The following HNF4G variants were observed in gnomAD, a reference collection of about 807,000 sequenced individuals.
HNF4G encodes hepatocyte nuclear factor 4 gamma, also known as hepatocyte nuclear factor 4-gamma.
A neutral mutation model predicts 50.9 loss-of-function variants in HNF4G; 21 were observed. The observed-to-expected ratio is 0.41, with a 90% CI of 0.29 to 0.59. HNF4G has a LOEUF of 0.59. Ranked by LOEUF, HNF4G falls within the 20% of genes least tolerant of loss-of-function variation. The pLI is 0.26. For missense variants in HNF4G, 527 were observed against 559.4 expected, an observed-to-expected ratio of 0.94 and a Z score of 0.58; for synonymous variants, 198 against 185.6, an observed-to-expected ratio of 1.07 and a Z score of -0.54.
chr8:75,412,164 T>C (rs1810517323), intron 1 of HNF4G, among the ~76,000 whole-genome samples: 1 of 152,208 alleles, frequency 6.6e-6, no homozygotes, highest in Non-Finnish European at 1.5e-5. Flanking sequence ...GGAGATGTAT[T>C]GATGAATAAG....
At chr8:75,491,902 G>A (rs1016543146) in intron 2 of HNF4G, among the ~76,000 whole-genome samples, 1 of 152,146 alleles carries the variant, frequency 6.6e-6, no homozygotes, top group African/African-American at 2.4e-5. Context: ...TAAGAGATGG[G>A]CACACAAAGA....
chr8:75,532,410 T>A (rs2130768723), intron 2 of HNF4G, among the ~76,000 whole-genome samples: 1 of 152,212 alleles, frequency 6.6e-6, no homozygotes, highest in African/African-American at 2.4e-5. Flanking sequence ...TTAAGGGAAA[T>A]GATCTTAATA....
intron 1 of HNF4G, among the ~76,000 whole-genome samples, chr8:75,540,757 A>G (rs755900677): frequency 3.9e-5 from 6 of 151,996 alleles, no homozygotes; most frequent in Non-Finnish European, 7.4e-5. Context: ...TTGAATTTAG[A>G]CTTAATACCC....
intron 1 of HNF4G, among the ~76,000 whole-genome samples, chr8:75,483,550 T>G (rs1257374589): frequency 2.0e-5 from 3 of 152,168 alleles, no homozygotes; most frequent in African/African-American, 7.2e-5. Context: ...GCCCCCTGCA[T>G]CTCACCAAGT....
chr8:75,492,492 C>T (rs185480645), intron 2 of HNF4G, among the ~76,000 whole-genome samples: 1 of 152,216 alleles, frequency 6.6e-6, no homozygotes, highest in Admixed American at 6.5e-5. Flanking sequence ...ATTGTGACCC[C>T]CCTATGTTTG....
chr8:75,505,008 T>G (rs1813039795), intron 2 of HNF4G, among the ~76,000 whole-genome samples: 1 of 152,150 alleles, frequency 6.6e-6, no homozygotes, highest in African/African-American at 2.4e-5. Flanking sequence ...TAGAAACTTC[T>G]ACCAGAATCT....
At chr8:75,490,454 A>G (rs984798585) in intron 2 of HNF4G, among the ~76,000 whole-genome samples, 8 of 152,134 alleles carry the variant, frequency 5.3e-5, no homozygotes, top group African/African-American at 1.7e-4. Context: ...TTTCTGATCT[A>G]TTGCTTATAA....
At chr8:75,414,407 G>A (rs890742960) in intron 1 of HNF4G, among the ~76,000 whole-genome samples, 2 of 152,106 alleles carry the variant, frequency 1.3e-5, no homozygotes, top group East Asian at 1.9e-4. Flanking sequence ...CATAAACAGC[G>A]TATATTTAAA....
At chr8:75,448,557 A>G (rs1811489581) in intron 1 of HNF4G, among the ~76,000 whole-genome samples, 1 of 150,996 alleles carries the variant, frequency 6.6e-6, no homozygotes, top group African/African-American at 2.4e-5. Context: ...CTAATATAAG[A>G]TTATATGATG....
rs73343022 is a variant in HNF4G, at chr8:75,442,434, C to T, written c.-144+34272C>T. ...ATTTAAAAACATGTGAATGGCCCAGCGCAATGGCTCATGCCTATAATCTCA... is the reference window on the plus strand; with the variant it reads ...ATTTAAAAACATGTGAATGGCCCAGTGCAATGGCTCATGCCTATAATCTCA... On this transcript the variant is annotated intron_variant, in intron 1 of 10. Coordinates refer to the HNF4G transcript ENST00000354370. Among the ~76,000 whole-genome samples, 1,211 of 152,026 alleles carry T rather than the reference C, an allele frequency of 8.0e-3. 21 individuals are homozygous for T. The highest frequency in any genetic ancestry group is 0.027 in the African/African-American group (1,125 of 41,468).
chr8:75,557,512 T>G (rs1807166988), intron 6 of HNF4G, among the ~76,000 whole-genome samples: 1 of 152,134 alleles, frequency 6.6e-6, no homozygotes, highest in East Asian at 1.9e-4. Flanking sequence ...TCCCAGCTAC[T>G]CTGGAAGCTG....
intron 1 of HNF4G, among the ~76,000 whole-genome samples, chr8:75,415,840 A>T (rs753228125): frequency 2.0e-5 from 3 of 152,148 alleles, no homozygotes; most frequent in Non-Finnish European, 2.9e-5. Flanking sequence ...TGACAGCTGG[A>T]TTGGTCTACA....
chr8:75,491,571 G>T (rs939891160), intron 2 of HNF4G, among the ~76,000 whole-genome samples: 1 of 151,760 alleles, frequency 6.6e-6, no homozygotes, highest in African/African-American at 2.4e-5. Flanking sequence ...GCCTCCTGGG[G>T]ATTCAAGCAA....
At chr8:75,411,744 T>A (rs1810510159) in intron 1 of HNF4G, among the ~76,000 whole-genome samples, 1 of 152,186 alleles carries the variant, frequency 6.6e-6, no homozygotes, top group Non-Finnish European at 1.5e-5. Flanking sequence ...GGCCTCGTTG[T>A]CAGATGGCAA....
intron 2 of HNF4G, among the ~76,000 whole-genome samples, chr8:75,545,270 T>TGTGTGTGC (rs1806742329): frequency 6.6e-6 from 1 of 151,214 alleles, no homozygotes; most frequent in Non-Finnish European, 1.5e-5. Flanking sequence ...TGTGTGTGTG[T>TGTGTGTGC]GTAAAATGAT....
intron 1 of HNF4G, among the ~76,000 whole-genome samples, chr8:75,417,853 T>G (rs922882007): frequency 6.6e-6 from 1 of 152,130 alleles, no homozygotes; most frequent in Non-Finnish European, 1.5e-5. Flanking sequence ...AAAATGATAA[T>G]AGTCACATAT....
intron 1 of HNF4G, among the ~76,000 whole-genome samples, chr8:75,433,211 G>T (rs563125960): frequency 4.8e-4 from 73 of 152,114 alleles, no homozygotes; most frequent in African/African-American, 1.8e-3. Context: ...AGACCAGCCT[G>T]GTCAACATAG....
At chr8:75,442,861 C>T (rs1811319795) in intron 1 of HNF4G, among the ~76,000 whole-genome samples, 1 of 152,018 alleles carries the variant, frequency 6.6e-6, no homozygotes, top group Admixed American at 6.6e-5. Context: ...GCCAGAACAA[C>T]TATAGAACAA....
intron 2 of HNF4G, among the ~76,000 whole-genome samples, chr8:75,512,568 C>T (rs771134847): frequency 1.3e-5 from 2 of 151,844 alleles, no homozygotes; most frequent in East Asian, 1.9e-4. Context: ...GGGTTCATGC[C>T]ATTCTCCTGA....
Sources: allele counts gnomAD v4.1 joint callset (sites outside exome capture counted in the v4.1 genomes callset), GRCh38; gene constraint gnomAD v4.1.1; transcripts MANE v1.5; gene names NCBI Gene and HGNC (gene_info 2026-07-23, HGNC 2026-07-21).